SHPRH: variants seen among roughly 807,000 people sequenced by gnomAD.
The protein encoded by SHPRH is SNF2 histone linker PHD RING helicase, also known as E3 ubiquitin-protein ligase SHPRH.
In SHPRH, 106 loss-of-function variants were observed where a neutral mutation model predicts 202.5. The observed-to-expected ratio is 0.52, with a 90% CI of 0.45 to 0.62. The LOEUF (loss-of-function observed/expected upper bound fraction) is 0.62, where lower values mean the gene tolerates loss of function less well. Ranked by LOEUF, SHPRH falls within the 20% of genes least tolerant of loss-of-function variation. The pLI is 0.00. For synonymous variants in SHPRH, 729 were observed against 686.0 expected, an observed-to-expected ratio of 1.06 and a Z score of -0.98; for missense variants, 1,710 against 2,020.0, an observed-to-expected ratio of 0.85 and a Z score of 2.94.
intron 2 of SHPRH, chr6:145,878,157 T>A (rs1780387816): frequency 6.6e-6 from 1 of 152,214 alleles, no homozygotes; most frequent in Non-Finnish European, 1.5e-5. Context: ...GACTATTTTC[T>A]ACGAAAGTTT....
chr6:145,889,218 A>G (rs1178158623), intron 28 of SHPRH, among the ~76,000 whole-genome samples: 1 of 152,128 alleles, frequency 6.6e-6, no homozygotes, highest in Non-Finnish European at 1.5e-5. Context: ...GGAAAAATTC[A>G]TCGAAGGGGT....
At chr6:145,897,806 G>A (rs1782143918) in intron 25 of SHPRH, among the ~76,000 whole-genome samples, 2 of 152,100 alleles carry the variant, frequency 1.3e-5, no homozygotes, top group South Asian at 4.1e-4. Context: ...AAAAATATCT[G>A]ATAAAATTCA....
chr6:145,941,049 C>T (rs1012184478), intron 10 of SHPRH, among the ~76,000 whole-genome samples: 1 of 152,128 alleles, frequency 6.6e-6, no homozygotes, highest in African/African-American at 2.4e-5. Context: ...AGTTCAAATA[C>T]GTACAAAATG....
intron 25 of SHPRH, 102 bp from the exon 26 acceptor site, chr6:145,895,079 G>C: frequency 1.0e-6 from 1 of 976,944 alleles, no homozygotes; most frequent in East Asian, 2.6e-5. Flanking sequence ...AACTATAAAT[G>C]CATCAAAACA....
intron 2 of SHPRH, chr6:145,877,727 CA>C (rs1780368438): frequency 6.6e-6 from 1 of 152,144 alleles, no homozygotes; most frequent in African/African-American, 2.4e-5. Context: ...TGAAGTCTGC[CA>C]TCTGAGAGAT....
chr6:145,879,918 AAAAAAAAAAAAAAAGG>A (rs1780482247), downstream of SHPRH, among the ~76,000 whole-genome samples: 1 of 150,814 alleles, frequency 6.6e-6, no homozygotes, highest in African/African-American at 2.4e-5. Flanking sequence ...CTCAAAAAAA[AAAAAAAAAAAAAAAGG>A]AAAAAAGAAA....
chr6:145,943,937 C>T, intron 8 of SHPRH, 135 bp from the exon 9 acceptor site: 1 of 834,182 alleles, frequency 1.2e-6, no homozygotes. Flanking sequence ...GAGAATCACT[C>T]CTGATAAGTG....
At chr6:145,872,586 G>A (rs1021297750) in intron 2 of SHPRH, among the ~76,000 whole-genome samples, 1 of 152,158 alleles carries the variant, frequency 6.6e-6, no homozygotes, top group African/African-American at 2.4e-5. Flanking sequence ...TAATACTGTT[G>A]GTGGGAGTGT....
intron 4 of SHPRH, 27 bp downstream of exon 4, chr6:145,950,237 G>C: frequency 6.3e-7 from 1 of 1,599,446 alleles, no homozygotes; most frequent in East Asian, 2.2e-5. Flanking sequence ...TAATCAATTG[G>C]ACTTTCTTTA....
At chr6:145,947,455 T>A (rs766033604) in intron 6 of SHPRH, 38 bp downstream of exon 6, 2 of 1,601,056 alleles carry the variant, frequency 1.2e-6, no homozygotes, top group East Asian at 4.5e-5. Context: ...CGAGAACATA[T>A]GTCCCCTGCT....
At chr6:145,930,338 C>T (rs532272398) in intron 14 of SHPRH, among the ~76,000 whole-genome samples, 1 of 152,004 alleles carries the variant, frequency 6.6e-6, no homozygotes, top group African/African-American at 2.4e-5. Flanking sequence ...AAGGTAGCAG[C>T]TGAAGTCTCC....
In SHPRH at chr6:145,921,334, C is replaced by T; in HGVS notation, c.3841G>A (p.Asp1281Asn). ...CGGGTGGTGGTAGGTGCTCGATCAT[C>T]CACCAGTCCTTCTTCATCTTCTATC... ...EMIEDEEGLV[D>N]DRAPTTTRGL... Residue 1281 changes from aspartate (D) to asparagine (N), a missense_variant, in exon 21 of 30, where the codon GAT (aspartate) becomes AAT (asparagine). This residue lies in a region of SHPRH where 288 missense variants were observed against 317.8 expected (regional missense o/e 0.91). Coordinates refer to ENST00000275233, the MANE Select transcript of SHPRH (RefSeq NM_001042683.3). 6.2e-7 allele frequency: 1 copy of T among 1,612,878 alleles called. No individual in the cohort carries two copies. Among genetic ancestry groups the T allele is most frequent in the Non-Finnish European group, 8.5e-7 (1 of 1,179,286 alleles).
intron 13 of SHPRH, among the ~76,000 whole-genome samples, chr6:145,933,817 G>T (rs960202024): frequency 1.3e-5 from 2 of 152,104 alleles, no homozygotes; most frequent in Admixed American, 6.5e-5. Context: ...GTTGCAGTCT[G>T]ATTCACAAAA....
intron 2 of SHPRH, among the ~76,000 whole-genome samples, chr6:145,870,259 A>ATTTTTTTTTTTTTTTTTTT (rs146513776): frequency 9.3e-6 from 1 of 107,764 alleles, no homozygotes; most frequent in East Asian, 2.7e-4. Flanking sequence ...ATCGTTTCAG[A>ATTTTTTTTTTTTTTTTTTT]TTTTTTTTTT....
chr6:145,923,564 G>C, intron 18 of SHPRH, 79 bp downstream of exon 18: 1 of 1,536,500 alleles, frequency 6.5e-7, no homozygotes. Flanking sequence ...GTAATAATGA[G>C]AAATTAGAAA....
At chr6:145,925,324 A>G (rs1233131165) in intron 16 of SHPRH, among the ~76,000 whole-genome samples, 1 of 138,132 alleles carries the variant, frequency 7.2e-6, no homozygotes, top group East Asian at 2.2e-4. Context: ...AAGAAAGTAG[A>G]TTTTAAATGT....
intron 6 of SHPRH, 87 bp from the exon 7 acceptor site, chr6:145,946,428 G>A (rs1787380829): frequency 7.3e-6 from 8 of 1,096,766 alleles, no homozygotes; most frequent in Middle Eastern, 2.3e-4. Context: ...CTTCTTTATG[G>A]AAATGCAAAA....
chr6:145,883,021 G>A (rs995358240), downstream of SHPRH, among the ~76,000 whole-genome samples: 5 of 152,218 alleles, frequency 3.3e-5, no homozygotes, highest in South Asian at 8.3e-4. Context: ...CGGGGGTGTG[G>A]AGCATTAAGA....
downstream of SHPRH, among the ~76,000 whole-genome samples, chr6:145,862,925 G>A (rs1169728437): frequency 1.3e-5 from 2 of 152,160 alleles, no homozygotes; most frequent in Non-Finnish European, 2.9e-5. Flanking sequence ...TGTATTATTA[G>A]TCTTTGTATT....
Sources: allele counts gnomAD v4.1 joint callset (sites outside exome capture counted in the v4.1 genomes callset), GRCh38; gene constraint gnomAD v4.1.1; regional missense constraint gnomAD v4.1.1; transcripts MANE v1.5; gene names NCBI Gene and HGNC (gene_info 2026-07-23, HGNC 2026-07-21).